Variants in PHF24 observed in about 807,000 individuals in gnomAD.
PHF24 encodes the protein PHD finger protein 24.
In PHF24, 25 loss-of-function variants were observed where a neutral mutation model predicts 42.6. That is an observed-to-expected ratio of 0.59 (90% CI 0.43 to 0.82). The LOEUF is 0.82. Ranked by LOEUF, PHF24 falls within the 40% of genes least tolerant of loss-of-function variation. The probability of loss-of-function intolerance (pLI) is 0.00; values close to 1 mark genes in which losing one functional copy is unlikely to be tolerated. For synonymous variants in PHF24, 185 were observed against 204.8 expected, an observed-to-expected ratio of 0.90 and a Z score of 0.83; for missense variants, 470 against 538.1, an observed-to-expected ratio of 0.87 and a Z score of 1.25.
chr9:34,779,960 A>G, the PHF24 span, among the ~76,000 whole-genome samples: 1 of 152,228 alleles, frequency 6.6e-6, no homozygotes, highest in Non-Finnish European at 1.5e-5. Context: ...TTCTGACCTC[A>G]GGTGATCCAC....
At chr9:34,969,543 AG>A (rs1203400171) in intron 1 of PHF24, among the ~76,000 whole-genome samples, 1 of 151,868 alleles carries the variant, frequency 6.6e-6, no homozygotes, top group Non-Finnish European at 1.5e-5. Context: ...TAGGAGGCTG[AG>A]GCAGGTGAAT....
the PHF24 span, chr9:34,690,424 C>CTGTGTGTGTGTG: frequency 0.011 from 6,709 of 607,368 alleles, 59 homozygotes; most frequent in South Asian, 0.018. Context: ...TTGAGGACAC[C>CTGTGTGTGTGTG]TGTGTGTGTG....
chr9:34,692,718 T>C, the PHF24 span, among the ~76,000 whole-genome samples: 3 of 152,190 alleles, frequency 2.0e-5, no homozygotes, highest in East Asian at 5.8e-4. Context: ...TGAGGAACCC[T>C]GAGTAAAGCC....
At chr9:34,977,060 A>G in intron 5 of PHF24, 23 bp from the exon 6 acceptor site, 1 of 1,567,330 alleles carries the variant, frequency 6.4e-7, no homozygotes, top group Non-Finnish European at 8.7e-7. Flanking sequence ...TTCACCTCTA[A>G]GATCTTGTCT....
the PHF24 span, among the ~76,000 whole-genome samples, chr9:34,944,019 A>G: frequency 6.6e-6 from 1 of 152,214 alleles, no homozygotes. Flanking sequence ...TAGCCTGCAT[A>G]ATATAGCTAT....
chr9:34,725,805 G>A, the PHF24 span: 62 of 1,549,304 alleles, frequency 4.0e-5, no homozygotes, highest in Non-Finnish European at 4.3e-5. Context: ...TTAGGGAGCA[G>A]TTGGGGGAAG....
the PHF24 span, among the ~76,000 whole-genome samples, chr9:34,796,880 A>C: frequency 5.5e-3 from 831 of 152,384 alleles, 6 homozygotes; most frequent in Middle Eastern, 0.024. Flanking sequence ...TGCTCATAGC[A>C]GCTCCATTCA....
chr9:34,886,874 A>G, the PHF24 span, among the ~76,000 whole-genome samples: 2 of 110,248 alleles, frequency 1.8e-5, no homozygotes, highest in South Asian at 2.9e-4. Flanking sequence ...CTGGCTGTCT[A>G]TCTGCCTGGA....
the PHF24 span, among the ~76,000 whole-genome samples, chr9:34,720,171 G>A: frequency 3.3e-5 from 5 of 152,124 alleles, no homozygotes; most frequent in Non-Finnish European, 7.4e-5. Flanking sequence ...AGGGCCAGGC[G>A]CGGTGGCTCA....
At chr9:34,887,901 A>G in the PHF24 span, among the ~76,000 whole-genome samples, 1 of 152,112 alleles carries the variant, frequency 6.6e-6, no homozygotes, top group Non-Finnish European at 1.5e-5. Flanking sequence ...ATAGGTGCTC[A>G]ATATTTATTG....
chr9:34,831,315 A>G, the PHF24 span, among the ~76,000 whole-genome samples: 3 of 152,192 alleles, frequency 2.0e-5, no homozygotes, highest in African/African-American at 7.2e-5. Flanking sequence ...GGTGCCCACC[A>G]TTAGTTACTG....
chr9:34,951,441 G>A, the PHF24 span, among the ~76,000 whole-genome samples: 1 of 152,202 alleles, frequency 6.6e-6, no homozygotes, highest in South Asian at 2.1e-4. Flanking sequence ...ATAAGAGAAA[G>A]ATTCAAAGAA....
the PHF24 span, among the ~76,000 whole-genome samples, chr9:34,803,768 C>G: frequency 7.6e-4 from 115 of 152,202 alleles, no homozygotes; most frequent in African/African-American, 2.7e-3. Flanking sequence ...TGCAGTAGAC[C>G]GTTTTACATA....
chr9:34,944,604 A>G, the PHF24 span, among the ~76,000 whole-genome samples: 12 of 152,228 alleles, frequency 7.9e-5, no homozygotes, highest in Admixed American at 6.5e-5. Flanking sequence ...TTTACAGCCA[A>G]CATCTTCAAA....
chr9:34,733,755 G>A, the PHF24 span, among the ~76,000 whole-genome samples: 45 of 151,954 alleles, frequency 3.0e-4, no homozygotes, highest in African/African-American at 8.7e-4. Flanking sequence ...CTCCTGCCTC[G>A]GCCCTCCAAA....
the PHF24 span, among the ~76,000 whole-genome samples, chr9:34,785,496 T>G: frequency 1.3e-5 from 2 of 152,240 alleles, no homozygotes; most frequent in African/African-American, 2.4e-5. Context: ...CAACTTGGAA[T>G]AGATGTTCTC....
the PHF24 span, among the ~76,000 whole-genome samples, chr9:34,806,112 T>A: frequency 2.3e-4 from 35 of 152,326 alleles, no homozygotes; most frequent in East Asian, 6.0e-3. Context: ...ACTGACTTAA[T>A]TACTGTTGCT....
At chr9:34,666,231 AGGTTTTG>A in the PHF24 span, 1 of 161,070 alleles carries the variant, frequency 6.2e-6, no homozygotes, top group Admixed American at 5.8e-5. Context: ...GTGTCAGGTC[AGGTTTTG>A]GAGCTACACC....
the PHF24 span, among the ~76,000 whole-genome samples, chr9:34,750,205 A>G: frequency 2.6e-5 from 4 of 152,292 alleles, no homozygotes; most frequent in Admixed American, 2.6e-4. Flanking sequence ...AACTCCAACA[A>G]CTTTTCAAGA....
Sources: gnomAD v4.1 joint callset for allele counts (sites outside exome capture counted in the v4.1 genomes callset) on GRCh38, gnomAD v4.1.1 for gene constraint, MANE v1.5 for transcripts, NCBI Gene and HGNC (gene_info 2026-07-23, HGNC 2026-07-21) for gene names.